Variants in LRRC63 observed in about 807,000 individuals in gnomAD.
LRRC63 encodes the protein leucine rich repeat containing 63, also known as leucine-rich repeat-containing protein 63.
LRRC63 carries 40 observed loss-of-function variants against 49.5 expected under a neutral mutation model. The observed-to-expected ratio is 0.81, with a 90% CI of 0.63 to 1.05. LRRC63 has a LOEUF of 1.05. Ranked by LOEUF, LRRC63 falls within the 50% of genes least tolerant of loss-of-function variation. The pLI is 0.00. For synonymous variants in LRRC63, 191 were observed against 221.1 expected (o/e 0.86, Z 1.21); for missense variants, 636 against 663.1 (o/e 0.96, Z 0.45).
Position 46,268,350 on chromosome 13 carries a change from C to T in LRRC63, c.1550+1378C>T, listed in dbSNP as rs140343041. ...ACATGATTTAACATACACTTGGATACTCAGAAAGTGAGAACAGAGAGAATG... is the reference window on the plus strand; with the variant it reads ...ACATGATTTAACATACACTTGGATATTCAGAAAGTGAGAACAGAGAGAATG... On this transcript the variant is annotated intron_variant, in intron 9 of 9. Transcript: ENST00000595396. Among the ~76,000 whole-genome samples, 700 of 152,172 alleles carry T rather than the reference C, an allele frequency of 4.6e-3. 2 individuals carry two copies. Among genetic ancestry groups the T allele is most frequent in the Middle Eastern group, 0.014 (4 of 294 alleles).
chr13:46,262,134 T>C (rs977923360), intron 8 of LRRC63, 142 bp downstream of exon 8: 1 of 349,152 alleles, frequency 2.9e-6, no homozygotes, highest in Non-Finnish European at 5.1e-6. Context: ...AACATGTAAT[T>C]TGAATGATTG....
In LRRC63 at chr13:46,240,043, A is replaced by G. The variant is rs369956484; in HGVS notation, c.990+5694A>G. Among the ~76,000 whole-genome samples the G allele has an allele frequency of 1.4e-4, 21 of 152,226 alleles. No individual in the cohort carries two copies. The East Asian group carries it at 2.9e-3, about 21-fold the overall frequency. On this transcript the variant is annotated intron_variant, in intron 5 of 9. Coordinates refer to ENST00000595396, the Ensembl canonical transcript of LRRC63. ...ACCTATGACAGACCCACAGCCAACA[A>G]CATACTGAATGGGCAAAAATTGGAA...
intron 7 of LRRC63, among the ~76,000 whole-genome samples, chr13:46,257,788 G>T (rs1310833605): frequency 6.6e-6 from 1 of 152,258 alleles, no homozygotes; most frequent in East Asian, 1.9e-4. Flanking sequence ...ATTTTTTCTA[G>T]ATATTATCTA....
intron 5 of LRRC63, among the ~76,000 whole-genome samples, chr13:46,238,426 T>G (rs748254841): frequency 6.6e-6 from 1 of 152,090 alleles, no homozygotes; most frequent in Non-Finnish European, 1.5e-5. Context: ...TATTAGTACA[T>G]TGTCATACTG....
intron 2 of LRRC63, 40 bp from the exon 3 acceptor site, chr13:46,227,472 A>T (rs1566475962): frequency 1.3e-5 from 16 of 1,274,136 alleles, no homozygotes; most frequent in Non-Finnish European, 1.6e-5. Context: ...TGACATATTG[A>T]TAAATATAAT....
chr13:46,223,480 T>TG (rs2046470966), intron 2 of LRRC63, among the ~76,000 whole-genome samples: 1 of 151,064 alleles, frequency 6.6e-6, no homozygotes, highest in Admixed American at 6.6e-5. Context: ...TGACAGTTTT[T>TG]TTTGTTTTTT....
intron 2 of LRRC63, among the ~76,000 whole-genome samples, chr13:46,223,947 G>A: frequency 6.6e-6 from 1 of 152,148 alleles, no homozygotes; most frequent in Non-Finnish European, 1.5e-5. Context: ...CTTTATTGGT[G>A]ACCAGATGCT....
chr13:46,214,768 C>G (rs185048282), intron 2 of LRRC63, among the ~76,000 whole-genome samples: 1 of 152,294 alleles, frequency 6.6e-6, no homozygotes, highest in Admixed American at 6.5e-5. Context: ...CCCTCACCCT[C>G]CACCCACTAA....
At chr13:46,217,986 T>C (rs1280025544) in intron 2 of LRRC63, among the ~76,000 whole-genome samples, 4 of 152,216 alleles carry the variant, frequency 2.6e-5, no homozygotes, top group African/African-American at 9.7e-5. Flanking sequence ...TGATTTCCGT[T>C]ATTTTGCATT....
rs72350100 is a variant in LRRC63, at chr13:46,276,820, A to ATG, written c.*25_*26dup. ...GAATTATAGTACAATGATTTATCGT[A>ATG]TGTGTGTGTATATATATATATATAT... On this transcript the variant is annotated 3_prime_UTR_variant, in exon 10 of 10. Coordinates refer to ENST00000595396, the Ensembl canonical transcript of LRRC63. 3.1e-4 allele frequency: 63 copies of ATG among 203,828 alleles called. 1 individual carries two copies. The South Asian group carries it at 5.8e-3, about 19-fold the overall frequency. 12.6% of individuals were successfully genotyped at this position (203,828 alleles called of 1,614,324 possible).
chr13:46,272,320 G>C (rs1198672990), intron 9 of LRRC63, among the ~76,000 whole-genome samples: 1 of 152,142 alleles, frequency 6.6e-6, no homozygotes, highest in African/African-American at 2.4e-5. Context: ...ATAAACCATA[G>C]ACAAGTAGAT....
chr13:46,254,013 C>G (rs2047448958), intron 7 of LRRC63, among the ~76,000 whole-genome samples: 1 of 151,972 alleles, frequency 6.6e-6, no homozygotes, highest in South Asian at 2.1e-4. Flanking sequence ...CCTCAAATTG[C>G]ATAAAGAGAA....
At chr13:46,237,167 A>G (rs1230114991) in intron 5 of LRRC63, among the ~76,000 whole-genome samples, 2 of 152,206 alleles carry the variant, frequency 1.3e-5, no homozygotes, top group East Asian at 1.9e-4. Context: ...AACATTCTGG[A>G]AAGGGCAAAA....
In LRRC63 at chr13:46,261,996, T is replaced by C; in HGVS notation, c.1310+4T>C. On this transcript the variant is annotated splice_donor_region_variant and intron_variant, in intron 8 of 9. Transcript: ENST00000595396. ...CAAATGAAATTCAGAAACTCAGGTA[T>C]TTTGGAAGTACACAGAAAGTTATAT... is the stretch of plus-strand genomic sequence containing the variant. 9.4e-7 allele frequency: 1 copy of C among 1,063,886 alleles called. No individual in the cohort carries two copies. The highest frequency in any genetic ancestry group is 4.4e-5 in the South Asian group (1 of 22,614). The allele number at this position is 1,063,886 out of a possible 1,614,324, so 65.9% of individuals were successfully genotyped here. A position where few individuals can be genotyped will look rare whatever the true frequency, so the allele number is the denominator to read the frequency against.
chr13:46,229,310 CA>C (rs1192886456), intron 4 of LRRC63, among the ~76,000 whole-genome samples: 1 of 152,116 alleles, frequency 6.6e-6, no homozygotes, highest in African/African-American at 2.4e-5. Context: ...CTAACCTTAC[CA>C]AAATCAACTA....
chr13:46,228,797 A>T, intron 4 of LRRC63, 64 bp downstream of exon 4: 1 of 1,154,238 alleles, frequency 8.7e-7, no homozygotes, highest in Non-Finnish European at 1.3e-6. Flanking sequence ...TTAAAAAATT[A>T]TGGGTGATTT....
In LRRC63 at chr13:46,228,734, G is replaced by A. The variant is rs2046652169; in HGVS notation, c.832+1G>A. The A allele has an allele frequency of 6.6e-7, 1 of 1,516,874 alleles. No individual in the cohort carries two copies. Among genetic ancestry groups the A allele is most frequent in the African/African-American group, 1.4e-5 (1 of 72,090 alleles). The allele number at this position is 1,516,874 out of a possible 1,614,324, so 94.0% of individuals were successfully genotyped here. On this transcript the variant is annotated splice_donor_variant, in intron 4 of 9. Transcript: ENST00000595396. LOFTEE classifies it high-confidence loss of function. ...CAAATCCCACCAAGACCACCTGAAG[G>A]TAAATGCTAGATTTATACAATTCTT...
In LRRC63 at chr13:46,276,765, A is replaced by T; in HGVS notation, c.1726A>T (p.Arg576Ter). 8.2e-7 allele frequency: 1 copy of T among 1,219,840 alleles called. No individual in the cohort carries two copies. 75.6% of individuals were successfully genotyped at this position (1,219,840 alleles called of 1,614,324 possible). ...TGTTTTAGATGGTAGTCCTAGTAGA[A>T]GAATAGCTCTAGATGTGGAGTTGTC... Residue 576 changes from arginine to a stop codon, truncating the protein, a stop_gained, in exon 10 of 10, where the codon AGA (arginine) becomes TGA (stop). Coordinates refer to ENST00000595396, the Ensembl canonical transcript of LRRC63. LOFTEE classifies it low-confidence loss of function (END_TRUNC).
At position 46,240,129 on chromosome 13, in the gene LRRC63, T is replaced by TTC. The variant is rs1273005127; in HGVS notation, c.990+5781_990+5782insCT. ...CCCTCTATCTCTCTCTCTTTTTCTTTTTTTTTTTTTTTTTTTTGACGGAGT... is the reference window on the plus strand; with the variant it reads ...CCCTCTATCTCTCTCTCTTTTTCTTTTCTTTTTTTTTTTTTTTTTGACGGAGT... On this transcript the variant is annotated intron_variant, in intron 5 of 9. Transcript: ENST00000595396. Among the ~76,000 whole-genome samples, 172 of 126,688 alleles carry TTC rather than the reference T, an allele frequency of 1.4e-3. 1 individual carries two copies. The highest frequency in any genetic ancestry group is 6.5e-3 in the African/African-American group (165 of 25,508). The allele number at this position is 126,688 out of a possible 152,430, so 83.1% of individuals were successfully genotyped here.
Sources: gnomAD v4.1 joint callset for allele counts (sites outside exome capture counted in the v4.1 genomes callset) on GRCh38, gnomAD v4.1.1 for gene constraint, MANE v1.5 for transcripts, NCBI Gene and HGNC (gene_info 2026-07-23, HGNC 2026-07-21) for gene names.